The following ASTN2 variants were observed in gnomAD, a reference collection of about 807,000 sequenced individuals.
ASTN2 encodes the protein astrotactin-2.
ASTN2 carries 54 observed loss-of-function variants against 139.8 expected under a neutral mutation model. The ratio of observed to expected loss-of-function variants is 0.39; its 90% CI spans 0.31 to 0.48. The LOEUF (loss-of-function observed/expected upper bound fraction) is 0.48. ASTN2 is among the 20% of genes least tolerant of loss of function. The probability of loss-of-function intolerance (pLI) is 0.95; values close to 1 mark genes in which losing one functional copy is unlikely to be tolerated. For missense variants in ASTN2, 1,565 were observed against 1,725.1 expected (o/e 0.91, Z 1.64); for synonymous variants, 756 against 719.5 (o/e 1.05, Z -0.81).
At chr9:116,942,743 T>A (rs974723142) in intron 10 of ASTN2, among the ~76,000 whole-genome samples, 2 of 152,168 alleles carry the variant, frequency 1.3e-5, no homozygotes, top group Non-Finnish European at 1.5e-5. Flanking sequence ...CATTTCTAGA[T>A]GACTTTCAGA....
At position 116,725,931 on chromosome 9, in the gene ASTN2, C is replaced by A; in HGVS notation, c.2646G>T (p.Lys882Asn). 1 of 1,613,128 alleles carries A rather than the reference C, an allele frequency of 6.2e-7. No individual in the cohort carries two copies. The highest frequency in any genetic ancestry group is 2.2e-5 in the East Asian group (1 of 44,862). The change falls in exon 16 of 23, where the codon AAG (lysine) becomes AAT (asparagine). Residue 882 changes from lysine to asparagine, a missense_variant. Transcript: ENST00000313400. ...TLAAGFTNVL[K>N]ILTKESSREE... ...CCCGACTGCTCTCCTTGGTCAGGAT[C>A]TTGAGAACATTAGTGAAGCCTGGAC...
intron 10 of ASTN2, among the ~76,000 whole-genome samples, chr9:116,951,541 C>T (rs1835563905): frequency 2.6e-5 from 4 of 151,944 alleles, no homozygotes; most frequent in Admixed American, 2.6e-4. Flanking sequence ...ATCAGTAGAA[C>T]AAGGTCCTTC....
At chr9:116,793,823 C>G (rs541376346) in intron 13 of ASTN2, among the ~76,000 whole-genome samples, 1 of 152,284 alleles carries the variant, frequency 6.6e-6, no homozygotes, top group African/African-American at 2.4e-5. Flanking sequence ...TTGAGAAGCA[C>G]TGGCATAATT....
chr9:116,978,288 C>T (rs916156427), intron 7 of ASTN2, among the ~76,000 whole-genome samples: 4 of 152,082 alleles, frequency 2.6e-5, no homozygotes, highest in Non-Finnish European at 2.9e-5. Flanking sequence ...TAGTAGGAAC[C>T]GCCCTGACTT....
chr9:116,843,636 G>A (rs959349721), intron 11 of ASTN2, among the ~76,000 whole-genome samples: 2 of 147,446 alleles, frequency 1.4e-5, no homozygotes, highest in Admixed American at 6.8e-5. Flanking sequence ...TCCAGCCTGG[G>A]CAACATGAGC....
chr9:116,585,958 CAAAT>C (rs2131721889), intron 19 of ASTN2: 1 of 152,084 alleles, frequency 6.6e-6, no homozygotes, highest in Non-Finnish European at 1.5e-5. Context: ...AAGCAAAAAA[CAAAT>C]AACTCCAATA....
In ASTN2 at chr9:116,570,967, T is replaced by C. The variant is rs142422085; in HGVS notation, c.3355+47357A>G. ...TATATTTTTAAAAGGAAGAAGGAGA[T>C]ACATCCTGAGAGTTTTGGTAATTGT... is the stretch of plus-strand genomic sequence containing the variant. On this transcript the variant is annotated intron_variant, in intron 19 of 22. Transcript: ENST00000313400. Among the ~76,000 whole-genome samples, 948 of 152,338 alleles carry C rather than the reference T, an allele frequency of 6.2e-3. 14 individuals are homozygous for C. Among genetic ancestry groups the C allele is most frequent in the African/African-American group, 0.021 (887 of 41,586 alleles).
At chr9:116,932,447 T>C (rs1351081145) in intron 10 of ASTN2, among the ~76,000 whole-genome samples, 1 of 152,170 alleles carries the variant, frequency 6.6e-6, no homozygotes, top group Non-Finnish European at 1.5e-5. Flanking sequence ...GATTACACTG[T>C]GGCTAACAGG....
chr9:116,861,389 G>T (rs953057705), intron 11 of ASTN2, among the ~76,000 whole-genome samples: 3 of 152,160 alleles, frequency 2.0e-5, no homozygotes, highest in Admixed American at 6.5e-5. Context: ...TTTGAAAAAG[G>T]TCAGCCTTAC....
At chr9:117,061,025 A>G (rs1250700269) in intron 5 of ASTN2, among the ~76,000 whole-genome samples, 1 of 152,326 alleles carries the variant, frequency 6.6e-6, no homozygotes, top group African/African-American at 2.4e-5. Context: ...GTTTACCAGC[A>G]TACCACTGGG....
chr9:116,866,567 C>T (rs115761234), intron 10 of ASTN2, among the ~76,000 whole-genome samples: 1 of 152,008 alleles, frequency 6.6e-6, no homozygotes, highest in East Asian at 1.9e-4. Flanking sequence ...AATATTAATA[C>T]CCTAGAAGGG....
chr9:117,088,214 C>T lies in ASTN2; in HGVS notation c.1276+7830G>A, dbSNP rs1405749631. On this transcript the variant is annotated intron_variant, in intron 5 of 22. Transcript: ENST00000313400. ...AAGGCACAGTTGCTGCCTCTTTCTCCGGCCTCATTTTCCATCATTCCTGCA... is the reference window on the plus strand; with the variant it reads ...AAGGCACAGTTGCTGCCTCTTTCTCTGGCCTCATTTTCCATCATTCCTGCA... Among the ~76,000 whole-genome samples the T allele has an allele frequency of 2.0e-5, 3 of 152,132 alleles. No homozygotes were observed. In the East Asian group the frequency reaches 5.8e-4, roughly 29 times the overall value.
intron 17 of ASTN2, among the ~76,000 whole-genome samples, chr9:116,640,562 C>CCTGCCAA (rs1213239284): frequency 2.6e-5 from 4 of 152,134 alleles, no homozygotes; most frequent in East Asian, 1.9e-4. Flanking sequence ...GTCTCTTTGG[C>CCTGCCAA]AGGACAGAGC....
At chr9:117,325,258 A>G (rs1311752396) in intron 1 of ASTN2, among the ~76,000 whole-genome samples, 1 of 152,172 alleles carries the variant, frequency 6.6e-6, no homozygotes, top group African/African-American at 2.4e-5. Context: ...AGATGCCACA[A>G]GACAATTCTG....
At chr9:116,807,948 A>AAAG (rs36061839) in intron 12 of ASTN2, among the ~76,000 whole-genome samples, 1 of 39,682 alleles carries the variant, frequency 2.5e-5, no homozygotes, top group African/African-American at 7.9e-5. Flanking sequence ...TGTCTCTACT[A>AAAG]AAAAAAAAAA....
At chr9:116,668,176 T>C (rs1190033843) in intron 16 of ASTN2, among the ~76,000 whole-genome samples, 1 of 150,946 alleles carries the variant, frequency 6.6e-6, no homozygotes, top group African/African-American at 2.5e-5. Context: ...AATCATACAG[T>C]ATATAGATTT....
chr9:116,846,668 C>T (rs559830439), intron 11 of ASTN2, among the ~76,000 whole-genome samples: 1 of 152,282 alleles, frequency 6.6e-6, no homozygotes, highest in African/African-American at 2.4e-5. Flanking sequence ...TTGCTTTGGG[C>T]ACATCCCTGC....
At chr9:117,010,131 C>A (rs145791422) in intron 6 of ASTN2, among the ~76,000 whole-genome samples, 1 of 152,172 alleles carries the variant, frequency 6.6e-6, no homozygotes, top group Non-Finnish European at 1.5e-5. Context: ...AAGGAAATGA[C>A]CACATTTCAA....
intron 4 of ASTN2, among the ~76,000 whole-genome samples, chr9:117,121,649 C>T (rs980118862): frequency 3.3e-5 from 5 of 152,194 alleles, no homozygotes; most frequent in African/African-American, 1.2e-4. Flanking sequence ...CCCAGTGGAC[C>T]TTGTATTAGT....
Sources: gnomAD v4.1 joint callset for allele counts (sites outside exome capture counted in the v4.1 genomes callset) on GRCh38, gnomAD v4.1.1 for gene constraint, MANE v1.5 for transcripts, NCBI Gene and HGNC (gene_info 2026-07-23, HGNC 2026-07-21) for gene names.